Variants in SGCD observed in about 807,000 individuals in gnomAD.
SGCD encodes the protein sarcoglycan delta.
SGCD carries 18 observed loss-of-function variants against 36.6 expected under a neutral mutation model. The ratio of observed to expected loss-of-function variants is 0.49; its 90% CI spans 0.34 to 0.73. The LOEUF is 0.73. SGCD is among the 30% of genes least tolerant of loss of function. The probability of loss-of-function intolerance (pLI) is 0.01; values close to 1 mark genes in which losing one functional copy is unlikely to be tolerated. For missense variants in SGCD, 387 were observed against 346.7 expected (o/e 1.12, Z -0.92); for synonymous variants, 133 against 130.6 (o/e 1.02, Z -0.12).
At chr5:156,642,490 G>T (rs1203577098) in intron 6 of SGCD, among the ~76,000 whole-genome samples, 37 of 94,162 alleles carry the variant, frequency 3.9e-4, no homozygotes, top group African/African-American at 1.6e-3. Context: ...TTTTTTCCAA[G>T]ACGGAGTCTT....
intron 6 of SGCD, among the ~76,000 whole-genome samples, chr5:156,596,301 T>G (rs1760923875): frequency 6.6e-6 from 1 of 152,202 alleles, no homozygotes; most frequent in Non-Finnish European, 1.5e-5. Context: ...TTAGCCTGTT[T>G]TTAACCCAAT....
At chr5:155,770,381 G>A in the SGCD span, among the ~76,000 whole-genome samples, 1 of 151,636 alleles carries the variant, frequency 6.6e-6, no homozygotes, top group Non-Finnish European at 1.5e-5. Flanking sequence ...GGGGTGGGTG[G>A]GAAGAACATT....
intron 1 of SGCD, among the ~76,000 whole-genome samples, chr5:155,960,738 GT>G (rs1757775890): frequency 6.6e-6 from 1 of 152,082 alleles, no homozygotes; most frequent in African/African-American, 2.4e-5. Context: ...ATAAGCATTT[GT>G]TTTATATCTG....
chr5:155,887,915 A>C (rs1337289198), intron 1 of SGCD, among the ~76,000 whole-genome samples: 3 of 152,224 alleles, frequency 2.0e-5, no homozygotes, highest in Admixed American at 6.5e-5. Context: ...CCATTAGCTT[A>C]TTTAATCCTC....
At chr5:156,146,230 A>G (rs1330288407) in intron 3 of SGCD, among the ~76,000 whole-genome samples, 3 of 152,144 alleles carry the variant, frequency 2.0e-5, no homozygotes, top group Non-Finnish European at 4.4e-5. Context: ...CAAAACAAAA[A>G]AGGATTTGAC....
chr5:155,740,165 C>A, the SGCD span, among the ~76,000 whole-genome samples: 2 of 152,214 alleles, frequency 1.3e-5, no homozygotes, highest in Non-Finnish European at 2.9e-5. Flanking sequence ...CTGGCACAAT[C>A]ATGGCTCACT....
chr5:156,121,046 G>GAAAA, intron 2 of SGCD, among the ~76,000 whole-genome samples: 1 of 152,250 alleles, frequency 6.6e-6, no homozygotes, highest in South Asian at 2.1e-4. Flanking sequence ...GCCCAGGAAT[G>GAAAA]TGGGGGCAGC....
intron 4 of SGCD, among the ~76,000 whole-genome samples, chr5:156,513,210 G>A (rs1757017660): frequency 6.6e-6 from 1 of 152,208 alleles, no homozygotes; most frequent in Admixed American, 6.5e-5. Context: ...AAGCACAGAG[G>A]TTATTGCCAG....
chr5:156,682,472 A>T (rs994641726), intron 7 of SGCD, among the ~76,000 whole-genome samples: 21 of 152,236 alleles, frequency 1.4e-4, no homozygotes, highest in African/African-American at 4.8e-4. Context: ...AATAAAACAC[A>T]AATCTGTTGA....
intron 6 of SGCD, among the ~76,000 whole-genome samples, chr5:156,606,830 A>G (rs1761482642): frequency 6.6e-6 from 1 of 152,198 alleles, no homozygotes; most frequent in South Asian, 2.1e-4. Flanking sequence ...AAGTTCACTC[A>G]TGATTTGGCT....
chr5:156,578,970 T>C (rs981782988), intron 4 of SGCD, among the ~76,000 whole-genome samples: 8 of 152,134 alleles, frequency 5.3e-5, no homozygotes, highest in Non-Finnish European at 1.2e-4. Flanking sequence ...TTTGAATGTG[T>C]TTGCTCTTCT....
rs2127579328 is a variant in SGCD, at chr5:156,045,199, A to G, written c.-281-72679A>G. Reference sequence around the variant, plus strand: ...AGCCCTCATGACCTAATCACCTCTTAAAAATCCAACTTCTTAATACCATCA... The same window carrying G: ...AGCCCTCATGACCTAATCACCTCTTGAAAATCCAACTTCTTAATACCATCA... On this transcript the variant is annotated intron_variant, in intron 1 of 9. Coordinates refer to the SGCD transcript ENST00000517913. Among the ~76,000 whole-genome samples, 3 of 152,282 alleles carry G rather than the reference A, an allele frequency of 2.0e-5. 1 individual carries two copies. The Middle Eastern group carries it at 0.01, about 518-fold the overall frequency.
At chr5:156,486,632 G>A (rs1241098560) in intron 3 of SGCD, among the ~76,000 whole-genome samples, 2 of 152,150 alleles carry the variant, frequency 1.3e-5, no homozygotes, top group African/African-American at 2.4e-5. Context: ...CATCTCACCT[G>A]CCACTGCCTG....
chr5:156,165,422 G>A (rs1763190554), intron 3 of SGCD, among the ~76,000 whole-genome samples: 1 of 152,148 alleles, frequency 6.6e-6, no homozygotes, highest in Admixed American at 6.5e-5. Context: ...TAAGGAAACT[G>A]TTCAGCCTAT....
At chr5:156,109,239 A>G (rs541032473) in intron 1 of SGCD, among the ~76,000 whole-genome samples, 1 of 152,216 alleles carries the variant, frequency 6.6e-6, no homozygotes, top group East Asian at 1.9e-4. Flanking sequence ...TTTCTCTTCT[A>G]CTGGAAACAT....
At chr5:156,141,118 A>G (rs544523876) in intron 3 of SGCD, among the ~76,000 whole-genome samples, 1 of 152,298 alleles carries the variant, frequency 6.6e-6, no homozygotes, top group East Asian at 1.9e-4. Context: ...TGTGGTGCCA[A>G]TTCTGCAGGC....
At chr5:156,620,836 GT>G (rs1364509881) in intron 6 of SGCD, among the ~76,000 whole-genome samples, 1 of 152,188 alleles carries the variant, frequency 6.6e-6, no homozygotes, top group Non-Finnish European at 1.5e-5. Context: ...ATATCTCAGG[GT>G]TGTGCTAGAC....
chr5:156,603,602 G>T (rs192023043), intron 6 of SGCD, among the ~76,000 whole-genome samples: 1 of 151,942 alleles, frequency 6.6e-6, no homozygotes, highest in African/African-American at 2.4e-5. Flanking sequence ...TCAGGCTTTG[G>T]CATGATGTGT....
intron 6 of SGCD, among the ~76,000 whole-genome samples, chr5:156,626,504 A>G (rs1218522801): frequency 6.6e-6 from 1 of 152,170 alleles, no homozygotes; most frequent in Non-Finnish European, 1.5e-5. Flanking sequence ...GACAGAAGTG[A>G]TGTGCATAGA....
Sources: allele counts gnomAD v4.1 joint callset (sites outside exome capture counted in the v4.1 genomes callset), GRCh38; gene constraint gnomAD v4.1.1; transcripts MANE v1.5; gene names NCBI Gene and HGNC (gene_info 2026-07-23, HGNC 2026-07-21).